IKBIP: variants seen among roughly 807,000 people sequenced by gnomAD.
IKBIP encodes the protein IKBKB interacting protein, also known as inhibitor of nuclear factor kappa-B kinase-interacting protein.
IKBIP carries 28 observed loss-of-function variants against 31.0 expected under a neutral mutation model. The observed-to-expected ratio is 0.90, with a 90% CI of 0.67 to 1.24. The LOEUF is 1.24. Ranked by LOEUF, IKBIP falls within the 50% of genes most tolerant of loss-of-function variation. The pLI is 0.00. For missense variants in IKBIP, 453 were observed against 441.9 expected (o/e 1.03, Z -0.23); for synonymous variants, 164 against 160.3 (o/e 1.02, Z -0.17).
intron 2 of IKBIP, among the ~76,000 whole-genome samples, chr12:98,615,696 G>T (rs1288600990): frequency 1.3e-5 from 2 of 152,124 alleles, no homozygotes; most frequent in Admixed American, 1.3e-4. Context: ...ATTCTACTCT[G>T]TACTTCTATG....
intron 2 of IKBIP, among the ~76,000 whole-genome samples, chr12:98,632,480 T>G (rs866700044): frequency 7.9e-5 from 2 of 25,308 alleles, no homozygotes; most frequent in Non-Finnish European, 1.2e-4. Context: ...AGAGACTCTA[T>G]CTGAAAAAAA....
chr12:98,629,820 C>T (rs1481269680), intron 2 of IKBIP, among the ~76,000 whole-genome samples: 1 of 152,024 alleles, frequency 6.6e-6, no homozygotes, highest in African/African-American at 2.4e-5. Context: ...AGCAGTATAC[C>T]CCAAGTAAGT....
Position 98,634,362 on chromosome 12 carries a change from C to T in IKBIP, c.231G>A (p.Gln77=), listed in dbSNP as rs1206219064. 1 of 1,608,002 alleles carries T rather than the reference C, an allele frequency of 6.2e-7. No homozygotes were observed. Among genetic ancestry groups the T allele is most frequent in the East Asian group, 2.2e-5 (1 of 44,786 alleles). The change falls in exon 2 of 3, where the codon CAG becomes CAA. Residue 77 remains glutamine (Q), a synonymous_variant. Transcript: ENST00000299157. ...EKFAKVENQY[Q]LLKLETNEFQ... ...ATTCATTGGTTTCTAGTTTCAGTAACTGGTATTGGTTTTCCACCTTTGCAA... is the reference window on the plus strand; with the variant it reads ...ATTCATTGGTTTCTAGTTTCAGTAATTGGTATTGGTTTTCCACCTTTGCAA...
intron 2 of IKBIP, among the ~76,000 whole-genome samples, chr12:98,618,302 C>T (rs1219271834): frequency 6.6e-6 from 1 of 151,944 alleles, no homozygotes; most frequent in Non-Finnish European, 1.5e-5. Context: ...TGTATTTCTT[C>T]AATGTTTTCT....
downstream of IKBIP, among the ~76,000 whole-genome samples, chr12:98,620,462 T>G (rs35897309): frequency 0.083 from 12,428 of 150,484 alleles, 617 homozygotes; most frequent in East Asian, 0.21. Context: ...TGCCTCCTGG[T>G]TTCAAGAGAT....
chr12:98,634,427 G>A lies in IKBIP; in HGVS notation c.180-14C>T, dbSNP rs754793641. The A allele has an allele frequency of 3.2e-6, 4 of 1,260,446 alleles. No homozygotes were observed. Among genetic ancestry groups the A allele is most frequent in the South Asian group, 1.2e-5 (1 of 80,698 alleles). The allele number at this position is 1,260,446 out of a possible 1,614,324, so 78.1% of individuals were successfully genotyped here. A position where few individuals can be genotyped will look rare whatever the true frequency, so the allele number is the denominator to read the frequency against. ...TGAAATACAAACCTGGAAAAGAAAA[G>A]AAAAATCACTATTCTCCAATTCATA... On this transcript the variant is annotated splice_polypyrimidine_tract_variant and intron_variant, in intron 1 of 2. Transcript: ENST00000299157.
intron 2 of IKBIP, among the ~76,000 whole-genome samples, chr12:98,618,668 G>T (rs1188645754): frequency 2.6e-5 from 4 of 151,328 alleles, no homozygotes; most frequent in African/African-American, 9.7e-5. Context: ...TCACTATGCT[G>T]CCCAGGCTGG....
At chr12:98,632,620 ATTTTTT>A (rs35887973) in intron 2 of IKBIP, among the ~76,000 whole-genome samples, 12 of 90,852 alleles carry the variant, frequency 1.3e-4, no homozygotes, top group East Asian at 3.5e-4. Flanking sequence ...CCAGATTCCA[ATTTTTT>A]TTTTTTTTTT....
rs2097614505 is a variant in IKBIP, at chr12:98,626,473, C to G, written c.591G>C (p.Leu197Phe). ...QINSAEQEIK[L>F]LTERLKDLED... ...CCAAATCTTTTAGCCGTTCAGTGAGCAATTTTATTTCCTGCTCAGCTGAGT... is the reference window on the plus strand; with the variant it reads ...CCAAATCTTTTAGCCGTTCAGTGAGGAATTTTATTTCCTGCTCAGCTGAGT... The change falls in exon 3 of 3, where the codon TTG (leucine) becomes TTC (phenylalanine). Residue 197 changes from leucine (L) to phenylalanine (F), a missense_variant. Coordinates refer to ENST00000299157, the MANE Select transcript of IKBIP (RefSeq NM_153687.4). 3.1e-6 allele frequency: 5 copies of G among 1,613,216 alleles called. No homozygotes were observed. The Admixed American group carries it at 8.3e-5, about 27-fold the overall frequency.
intron 1 of IKBIP, among the ~76,000 whole-genome samples, chr12:98,636,047 G>A (rs1400053518): frequency 6.6e-6 from 1 of 152,106 alleles, no homozygotes; most frequent in African/African-American, 2.4e-5. Flanking sequence ...GAATTGTCTT[G>A]GATCCAATAC....
chr12:98,618,207 T>G (rs1365926756), intron 2 of IKBIP, among the ~76,000 whole-genome samples: 1 of 152,082 alleles, frequency 6.6e-6, no homozygotes, highest in East Asian at 1.9e-4. Flanking sequence ...AATTAAAATT[T>G]ATAAAAACAA....
At chr12:98,623,505 AGAGTGTTGGAATTATAG>A (rs1360415774), downstream of IKBIP, among the ~76,000 whole-genome samples, 1 of 148,828 alleles carries the variant, frequency 6.7e-6, no homozygotes, top group African/African-American at 2.5e-5. Flanking sequence ...TCAGCTTCCC[AGAGTGTTGGAATTATAG>A]GAGTGAGCCA....
At chr12:98,627,439 C>CTT (rs11314734) in intron 2 of IKBIP, among the ~76,000 whole-genome samples, 2 of 119,628 alleles carry the variant, frequency 1.7e-5, no homozygotes, top group Admixed American at 8.8e-5. Flanking sequence ...TTTTCTTTTT[C>CTT]TTTTTTTTTT....
At chr12:98,643,015 C>G (rs577845878) in intron 1 of IKBIP, among the ~76,000 whole-genome samples, 1 of 151,966 alleles carries the variant, frequency 6.6e-6, no homozygotes, top group Non-Finnish European at 1.5e-5. Flanking sequence ...TGCAATGGCA[C>G]GATCCCAGCT....
intron 2 of IKBIP, among the ~76,000 whole-genome samples, chr12:98,628,836 A>C (rs1267063953): frequency 6.6e-6 from 1 of 152,194 alleles, no homozygotes; most frequent in African/African-American, 2.4e-5. Context: ...AATGGAGATA[A>C]AAGATGCAGT....
chr12:98,639,683 A>C lies in IKBIP; in HGVS notation c.179+4840T>G, dbSNP rs141494722. ...CTGAATAGCTCCTTTAGGAACGTTA[A>C]ATGGTGGCAGACAGCTGACTGAGGA... On this transcript the variant is annotated intron_variant, in intron 1 of 2. Coordinates refer to ENST00000299157, the MANE Select transcript of IKBIP (RefSeq NM_153687.4). 2.5e-3 allele frequency among the ~76,000 whole-genome samples: 388 copies of C among 152,296 alleles called. 1 individual carries two copies. The highest frequency in any genetic ancestry group is 6.8e-3 in the Middle Eastern group (2 of 294).
chr12:98,636,878 G>T (rs1295986840), intron 1 of IKBIP, among the ~76,000 whole-genome samples: 7 of 151,018 alleles, frequency 4.6e-5, no homozygotes, highest in Non-Finnish European at 7.4e-5. Context: ...AGAAATAAGA[G>T]TTGCCCTCCT....
chr12:98,619,548 A>G (rs1166937801), downstream of IKBIP, among the ~76,000 whole-genome samples: 4 of 152,238 alleles, frequency 2.6e-5, no homozygotes, highest in Non-Finnish European at 5.9e-5. Context: ...TTTAAAAATT[A>G]CTTCGGGTTT....
intron 2 of IKBIP, among the ~76,000 whole-genome samples, chr12:98,628,861 G>C (rs2097617271): frequency 6.6e-6 from 1 of 152,140 alleles, no homozygotes; most frequent in Non-Finnish European, 1.5e-5. Flanking sequence ...GCTCTAAAGA[G>C]GAGTAAAGGA....
Sources: gnomAD v4.1 joint callset for allele counts (sites outside exome capture counted in the v4.1 genomes callset) on GRCh38, gnomAD v4.1.1 for gene constraint, MANE v1.5 for transcripts, NCBI Gene and HGNC (gene_info 2026-07-23, HGNC 2026-07-21) for gene names.